SCN11A: variants seen among roughly 807,000 people sequenced by gnomAD.
SCN11A encodes the protein sodium voltage-gated channel alpha subunit 11.
In SCN11A, 122 loss-of-function variants were observed where a neutral mutation model predicts 162.2. The ratio of observed to expected loss-of-function variants is 0.75; its 90% CI spans 0.65 to 0.87. The LOEUF is 0.87. Among genes scored for constraint, SCN11A ranks in the 40% least tolerant of loss-of-function variants. The pLI, the probability that SCN11A is intolerant of heterozygous loss-of-function variation, is 0.00. For missense variants in SCN11A, 2,015 were observed against 2,181.6 expected, an observed-to-expected ratio of 0.92 and a Z score of 1.52; for synonymous variants, 758 against 751.5, an observed-to-expected ratio of 1.01 and a Z score of -0.14.
At chr3:38,994,627 C>A (rs748048014) in intron 2 of SCN11A, among the ~76,000 whole-genome samples, 55 of 152,192 alleles carry the variant, frequency 3.6e-4, no homozygotes, top group Non-Finnish European at 6.8e-4. Context: ...CATCAAGGAG[C>A]ACTCCTGAGG....
chr3:38,928,368 G>A (rs1167501627), intron 7 of SCN11A, among the ~76,000 whole-genome samples: 1 of 151,618 alleles, frequency 6.6e-6, no homozygotes, highest in African/African-American at 2.4e-5. Flanking sequence ...ACTGGGGCCT[G>A]TTGGGGGTGG....
At chr3:38,978,403 T>TG (rs2066861951) in intron 2 of SCN11A, among the ~76,000 whole-genome samples, 2 of 152,214 alleles carry the variant, frequency 1.3e-5, no homozygotes, top group African/African-American at 4.8e-5. Flanking sequence ...CCCAGAACTT[T>TG]GGGAGGCCCA....
chr3:39,022,373 TG>T (rs1454363723), intron 2 of SCN11A, among the ~76,000 whole-genome samples: 1 of 152,258 alleles, frequency 6.6e-6, no homozygotes, highest in African/African-American at 2.4e-5. Flanking sequence ...TGTCTGTTTC[TG>T]GCTTCTTACT....
intron 16 of SCN11A, among the ~76,000 whole-genome samples, chr3:38,903,395 C>T (rs4594561): frequency 6.6e-6 from 1 of 151,822 alleles, no homozygotes; most frequent in South Asian, 2.1e-4. Context: ...GCCTGACCAA[C>T]CCCCAAACAA....
At chr3:38,938,040 C>T (rs924475522) in intron 7 of SCN11A, among the ~76,000 whole-genome samples, 9 of 152,098 alleles carry the variant, frequency 5.9e-5, no homozygotes, top group African/African-American at 9.7e-5. Flanking sequence ...CCATGGAATA[C>T]GATGCAGCCA....
rs1376811512 is a variant in SCN11A, at chr3:38,905,257, T to C, written c.1538A>G (p.His513Arg). 6.2e-7 allele frequency: 1 copy of C among 1,614,112 alleles called. No homozygotes were observed. Among genetic ancestry groups the C allele is most frequent in the East Asian group, 2.2e-5 (1 of 44,876 alleles). Residue 513 changes from histidine (H) to arginine (R), a missense_variant, in exon 15 of 30, where the codon CAT (histidine) becomes CGT (arginine). By Grantham distance (29) the His-to-Arg change is conservative (BLOSUM62 0). Coordinates refer to ENST00000302328, the MANE Select transcript of SCN11A (RefSeq NM_001349253.2). ...QNLSLDHFDE[H>R]GDPLQRQRAL... is the part of the protein sequence containing the mutation. The stretch of plus-strand genomic sequence containing the variant: ...TCTCTGCCTTTGGAGAGGATCTCCA[T>C]GCTCATCAAAGTGGTCCAGTGATAG...
chr3:38,960,459 A>C (rs1035919211), intron 2 of SCN11A, among the ~76,000 whole-genome samples, 36 bp from the exon 3 acceptor site: 2 of 152,220 alleles, frequency 1.3e-5, no homozygotes, highest in Non-Finnish European at 2.9e-5. Flanking sequence ...AAATGGGAAG[A>C]AAGCCAAAGT....
rs765769219 is a variant in SCN11A at position 38,909,040 on chromosome 3, T to G, written c.1256A>C (p.Lys419Thr). 1 of 1,613,950 alleles carries G rather than the reference T, an allele frequency of 6.2e-7. No individual in the cohort carries two copies. The highest frequency in any genetic ancestry group is 8.5e-7 in the Non-Finnish European group (1 of 1,179,944). Reference sequence around the variant, plus strand: ...CAGCTGCTGGGCTTCCTGAAACATCTTTTCCTTGGCCTCTATCTCTGCAGC... The same window carrying G: ...CAGCTGCTGGGCTTCCTGAAACATCGTTTCCTTGGCCTCTATCTCTGCAGC... ...NVAAEIEAKE[K>T]MFQEAQQLLK... The change falls in exon 13 of 30, where the codon AAG (lysine) becomes ACG (threonine). Residue 419 changes from lysine (K) to threonine (T), a missense_variant. Physicochemically the swap from Lys to Thr is moderately conservative, Grantham distance 78. Transcript: ENST00000302328.
chr3:38,935,079 C>G (rs563370382), intron 7 of SCN11A, among the ~76,000 whole-genome samples: 1 of 152,168 alleles, frequency 6.6e-6, no homozygotes, highest in African/African-American at 2.4e-5. Flanking sequence ...GAAACTCACT[C>G]AAAACCGCTC....
intron 21 of SCN11A, among the ~76,000 whole-genome samples, chr3:38,883,713 A>ATAG (rs1328895492): frequency 6.6e-6 from 1 of 152,186 alleles, no homozygotes; most frequent in Non-Finnish European, 1.5e-5. Flanking sequence ...AAGGAGGATG[A>ATAG]TAGACATGTG....
intron 11 of SCN11A, 127 bp from the exon 12 acceptor site, chr3:38,910,334 T>C (rs767974408): frequency 4.1e-5 from 35 of 847,834 alleles, no homozygotes; most frequent in Non-Finnish European, 6.4e-5. Context: ...AAGGGAGTAT[T>C]TGTAAAGTGG....
chr3:38,848,815 C>T (rs2064720966), intron 29 of SCN11A, among the ~76,000 whole-genome samples: 1 of 152,072 alleles, frequency 6.6e-6, no homozygotes, highest in Admixed American at 6.6e-5. Flanking sequence ...AGCCGTAATA[C>T]CTCAACTAGA....
intron 2 of SCN11A, among the ~76,000 whole-genome samples, chr3:38,961,497 T>G (rs2066740614): frequency 6.6e-6 from 1 of 152,178 alleles, no homozygotes; most frequent in Non-Finnish European, 1.5e-5. Context: ...GCATATGGCT[T>G]GGGTTTTTGA....
At chr3:38,962,042 CA>C (rs1240385484) in intron 2 of SCN11A, among the ~76,000 whole-genome samples, 1 of 152,180 alleles carries the variant, frequency 6.6e-6, no homozygotes, top group Non-Finnish European at 1.5e-5. Flanking sequence ...TTGATTTTTG[CA>C]TAAGGCAAGA....
intron 20 of SCN11A, among the ~76,000 whole-genome samples, chr3:38,885,615 T>G (rs2065385111): frequency 6.6e-6 from 1 of 152,166 alleles, no homozygotes; most frequent in African/African-American, 2.4e-5. Flanking sequence ...CTAGCTCATC[T>G]CTATAGCTGA....
chr3:38,951,292 C>T (rs912212681), intron 4 of SCN11A, among the ~76,000 whole-genome samples: 21 of 152,220 alleles, frequency 1.4e-4, no homozygotes, highest in African/African-American at 3.6e-4. Flanking sequence ...GCTTGGCACC[C>T]GGGCCAGTGG....
Position 38,945,415 on chromosome 3 carries a change from C to A in SCN11A, c.484G>T (p.Ala162Ser). 6.2e-7 allele frequency: 1 copy of A among 1,606,614 alleles called. No individual in the cohort carries two copies. Among genetic ancestry groups the A allele is most frequent in the Non-Finnish European group, 8.5e-7 (1 of 1,173,966 alleles). ...KNSNSNNTDI[A>S]ECVFTGIYIF... ...GAGTGAAGGAAAAATACTTACTCTG[C>A]AATGTCAGTATTGTTACTGTTGCTG... The change falls in exon 7 of 30, where the codon GCA becomes TCA. Residue 162 changes from alanine to serine, a missense_variant. By Grantham distance (99) the Ala-to-Ser change is moderately conservative. Coordinates refer to ENST00000302328, the MANE Select transcript of SCN11A (RefSeq NM_001349253.2).
chr3:39,041,830 GAGAA>G (rs2032054439), intron 1 of SCN11A, among the ~76,000 whole-genome samples: 1 of 152,210 alleles, frequency 6.6e-6, no homozygotes, highest in South Asian at 2.1e-4. Flanking sequence ...AGATAAATTA[GAGAA>G]AGAAAAGAAC....
chr3:39,017,691 T>C (rs1353205125), intron 2 of SCN11A, among the ~76,000 whole-genome samples: 1 of 152,214 alleles, frequency 6.6e-6, no homozygotes, highest in East Asian at 1.9e-4. Context: ...TTTATTACAG[T>C]TTTCATGTAG....
Sources: allele counts gnomAD v4.1 joint callset (sites outside exome capture counted in the v4.1 genomes callset), GRCh38; gene constraint gnomAD v4.1.1; transcripts MANE v1.5; gene names NCBI Gene and HGNC (gene_info 2026-07-23, HGNC 2026-07-21).